DRC9: variants seen among roughly 807,000 people sequenced by gnomAD.
The protein encoded by DRC9 is dynein regulatory complex subunit 9, also known as dynein regulatory complex protein 9.
chr3:197,915,046 C>T, the DRC9 span, among the ~76,000 whole-genome samples: 1 of 151,390 alleles, frequency 6.6e-6, no homozygotes. Flanking sequence ...CGCCTGTAAT[C>T]CCAGCTACTC....
chr3:197,953,645 C>T, the DRC9 span: 1 of 440,696 alleles, frequency 2.3e-6, no homozygotes, highest in South Asian at 1.6e-5. Flanking sequence ...CCTTCCTTGG[C>T]TATTTAAAAT....
the DRC9 span, chr3:197,953,592 C>T: frequency 3.1e-5 from 14 of 456,388 alleles, no homozygotes; most frequent in African/African-American, 6.2e-5. Flanking sequence ...CATGGCATTT[C>T]CCCTCCCTTT....
chr3:197,935,160 G>A, the DRC9 span, among the ~76,000 whole-genome samples: 2 of 152,148 alleles, frequency 1.3e-5, no homozygotes, highest in East Asian at 3.9e-4. Flanking sequence ...TAATTTTGTG[G>A]CCGGGCGCAG....
the DRC9 span, among the ~76,000 whole-genome samples, chr3:197,933,689 T>G: frequency 6.6e-6 from 1 of 152,158 alleles, no homozygotes; most frequent in Non-Finnish European, 1.5e-5. Context: ...CCCCTCAATC[T>G]TCCCCAGAGA....
the DRC9 span, chr3:197,951,461 TC>T: frequency 8.5e-6 from 7 of 824,606 alleles, no homozygotes; most frequent in Admixed American, 2.0e-5. Flanking sequence ...CAAGCAAGTG[TC>T]CTGTCTCAGC....
chr3:197,912,469 G>A, the DRC9 span: 1 of 495,246 alleles, frequency 2.0e-6, no homozygotes, highest in East Asian at 3.3e-5. Context: ...GATAAAAGCA[G>A]AAAACAAAAT....
the DRC9 span, chr3:197,951,112 G>C: frequency 2.8e-5 from 45 of 1,613,006 alleles, no homozygotes; most frequent in Middle Eastern, 1.7e-4. Context: ...AAGTCAGATT[G>C]GTTTTTTGAA....
the DRC9 span, among the ~76,000 whole-genome samples, chr3:197,900,822 TC>T: frequency 2.6e-5 from 4 of 152,180 alleles, no homozygotes; most frequent in Non-Finnish European, 5.9e-5. This position sits in a 1 kb window ranked among gnomAD's most constrained non-coding sequence, Gnocchi z 4.7. Context: ...TGGGTGGCCT[TC>T]CTAGACACAC....
chr3:197,897,984 T>C, the DRC9 span, among the ~76,000 whole-genome samples: 1 of 147,536 alleles, frequency 6.8e-6, no homozygotes, highest in Admixed American at 6.8e-5. Flanking sequence ...GCTTTCACCA[T>C]ATTAGCCAGG....
the DRC9 span, chr3:197,950,320 C>T: frequency 8.1e-7 from 1 of 1,228,868 alleles, no homozygotes; most frequent in South Asian, 4.2e-5. Flanking sequence ...GAGTCTCTGC[C>T]AGCCATTGAT....
the DRC9 span, among the ~76,000 whole-genome samples, chr3:197,915,988 A>T: frequency 6.6e-6 from 1 of 151,510 alleles, no homozygotes; most frequent in Admixed American, 6.6e-5. Context: ...TTGTATTAAA[A>T]AAATTTTTTT....
At chr3:197,951,545 G>C in the DRC9 span, 1 of 494,394 alleles carries the variant, frequency 2.0e-6, no homozygotes, top group East Asian at 3.9e-5. Flanking sequence ...TAGAGACAGG[G>C]TATTGCCATG....
chr3:197,921,454 C>T, the DRC9 span, among the ~76,000 whole-genome samples: 663 of 14,942 alleles, frequency 0.044, 71 homozygotes, highest in African/African-American at 0.12. Flanking sequence ...TCTTCTTGGT[C>T]GACCCGACTA....
At chr3:197,933,485 T>G in the DRC9 span, among the ~76,000 whole-genome samples, 2 of 152,110 alleles carry the variant, frequency 1.3e-5, no homozygotes, top group East Asian at 3.8e-4. Flanking sequence ...TTTGATTAGG[T>G]CTTTAAAAAA....
chr3:197,917,768 T>C, the DRC9 span, among the ~76,000 whole-genome samples: 1 of 151,924 alleles, frequency 6.6e-6, no homozygotes, highest in Admixed American at 6.6e-5. Flanking sequence ...TCTCGCTGTG[T>C]TGCCCAGGCT....
chr3:197,913,845 A>G, the DRC9 span: 1 of 1,606,068 alleles, frequency 6.2e-7, no homozygotes, highest in Non-Finnish European at 8.5e-7. Context: ...CTCAATTGCC[A>G]TCTCCTGGGT....
chr3:197,947,651 A>C, the DRC9 span, among the ~76,000 whole-genome samples: 6 of 152,214 alleles, frequency 3.9e-5, no homozygotes, highest in Admixed American at 1.3e-4. Context: ...TCTAGGTGAA[A>C]TCTCTAACAT....
At chr3:197,943,453 T>G in the DRC9 span, among the ~76,000 whole-genome samples, 6 of 151,980 alleles carry the variant, frequency 3.9e-5, no homozygotes, top group Non-Finnish European at 8.8e-5. Context: ...CTGGACAACA[T>G]AGTGAGATCC....
At chr3:197,896,399 T>C in the DRC9 span, among the ~76,000 whole-genome samples, 1 of 151,714 alleles carries the variant, frequency 6.6e-6, no homozygotes, top group East Asian at 1.9e-4. Flanking sequence ...ACTATGAGAA[T>C]GGCATGCAAA....
Sources: allele counts gnomAD v4.1 joint callset (sites outside exome capture counted in the v4.1 genomes callset), GRCh38; gene constraint gnomAD v4.1.1; non-coding constraint Gnocchi (gnomAD v3.1); transcripts MANE v1.5; gene names NCBI Gene and HGNC (gene_info 2026-07-23, HGNC 2026-07-21).